The following WDR35 variants were observed in gnomAD, a reference collection of about 807,000 sequenced individuals.
WDR35 encodes WD repeat-containing protein 35.
WDR35 carries 118 observed loss-of-function variants against 158.3 expected under a neutral mutation model. The observed-to-expected ratio is 0.75, with a 90% CI of 0.64 to 0.87. The LOEUF is 0.87. WDR35 is among the 40% of genes least tolerant of loss of function. The probability of loss-of-function intolerance (pLI) is 0.00; values close to 1 mark genes in which losing one functional copy is unlikely to be tolerated. For synonymous variants in WDR35, 448 were observed against 476.1 expected, an observed-to-expected ratio of 0.94 and a Z score of 0.77; for missense variants, 1,263 against 1,405.8, an observed-to-expected ratio of 0.90 and a Z score of 1.62.
intron 13 of WDR35, among the ~76,000 whole-genome samples, chr2:19,951,037 CTA>C (rs1671218226): frequency 1.3e-5 from 2 of 152,172 alleles, no homozygotes; most frequent in Admixed American, 1.3e-4. Flanking sequence ...AAACAGTTAA[CTA>C]TATTATCTGC....
chr2:19,931,727 A>G (rs537634992), intron 23 of WDR35, among the ~76,000 whole-genome samples: 1 of 152,288 alleles, frequency 6.6e-6, no homozygotes, highest in East Asian at 1.9e-4. Context: ...TCCATAATAC[A>G]GAGATTTTTA....
At chr2:19,973,837 A>G (rs1312421030) in intron 7 of WDR35, 129 bp from the exon 8 acceptor site, 2 of 1,302,694 alleles carry the variant, frequency 1.5e-6, no homozygotes, top group African/African-American at 1.5e-5. Context: ...GCTGGGTACA[A>G]CGGCTCACGC....
At chr2:19,973,539 G>GA (rs752651902) in intron 8 of WDR35, 24 bp downstream of exon 8, 8 of 1,613,980 alleles carry the variant, frequency 5.0e-6, no homozygotes, top group East Asian at 2.2e-5. Context: ...TAGAAAGAAA[G>GA]AAGATCAATT....
rs1230198823 is a variant in WDR35, at chr2:19,950,849, A to G, written c.1470+566T>C. Among the ~76,000 whole-genome samples the G allele has an allele frequency of 2.0e-5, 3 of 152,104 alleles. No homozygotes were observed. In the East Asian group the frequency reaches 5.8e-4, roughly 29 times the overall value. The stretch of plus-strand genomic sequence containing the variant: ...CTTCTCTAACAGTTTTCTAACCTGT[A>G]AGAGAGGAGATGACATGCTGATTGA... On this transcript the variant is annotated intron_variant, in intron 13 of 26. Transcript: ENST00000281405.
At chr2:19,944,668 A>G (rs1234856622) in intron 16 of WDR35, among the ~76,000 whole-genome samples, 1 of 152,112 alleles carries the variant, frequency 6.6e-6, no homozygotes, top group African/African-American at 2.4e-5. Flanking sequence ...CCTTTGAACT[A>G]TTTCTCAGGG....
chr2:19,923,612 G>A (rs541488642), intron 25 of WDR35, among the ~76,000 whole-genome samples: 16 of 152,264 alleles, frequency 1.1e-4, no homozygotes, highest in Admixed American at 1.0e-3. Flanking sequence ...TGACCCTCCA[G>A]ATCTTTCTTT....
chr2:19,979,164 T>C (rs767892187), intron 4 of WDR35, among the ~76,000 whole-genome samples: 1 of 152,196 alleles, frequency 6.6e-6, no homozygotes, highest in Non-Finnish European at 1.5e-5. Context: ...TTTCTGTCAA[T>C]TAAAAATTAA....
At chr2:19,939,108 A>G (rs1670791909) in intron 17 of WDR35, among the ~76,000 whole-genome samples, 1 of 152,220 alleles carries the variant, frequency 6.6e-6, no homozygotes, top group African/African-American at 2.4e-5. Context: ...ATCGGAAATT[A>G]TGAGCCTTTC....
rs895716509 is a variant in WDR35 at position 19,914,883 on chromosome 2, T to C, written c.3122-606A>G. On this transcript the variant is annotated intron_variant, in intron 25 of 26. Transcript: ENST00000281405. ...AGTTACAACATCTTATTTGCAATTA[T>C]ACTGGAGATGAAAAAATCTTTCTTT... Among the ~76,000 whole-genome samples the C allele has an allele frequency of 2.0e-5, 3 of 151,458 alleles. No individual in the cohort carries two copies. In the Admixed American group the frequency reaches 2.0e-4, roughly 10 times the overall value.
intron 11 of WDR35, among the ~76,000 whole-genome samples, chr2:19,956,898 C>T (rs1025419020): frequency 2.6e-4 from 40 of 152,280 alleles, no homozygotes; most frequent in Middle Eastern, 6.8e-3. Flanking sequence ...GGATTACAGG[C>T]GTGAGCCACC....
In WDR35 at chr2:19,966,116, G is replaced by A. The variant is rs955884541; in HGVS notation, c.1194+608C>T. On this transcript the variant is annotated intron_variant, in intron 10 of 26. Coordinates refer to ENST00000281405, the MANE Select transcript of WDR35 (RefSeq NM_020779.4). Reference sequence around the variant, plus strand: ...ACACCAGCAAACATGGCTGTTCAAAGAGTCACCTTTAACAAAAAACTCTAT... The same window carrying A: ...ACACCAGCAAACATGGCTGTTCAAAAAGTCACCTTTAACAAAAAACTCTAT... Among the ~76,000 whole-genome samples the A allele has an allele frequency of 4.6e-5, 7 of 152,248 alleles. 1 individual carries two copies. Among genetic ancestry groups the A allele is most frequent in the Admixed American group, 4.6e-4 (7 of 15,282 alleles).
In WDR35 at chr2:19,938,259, A is replaced by T. The variant is rs1201555649; in HGVS notation, c.2063+6T>A. On this transcript the variant is annotated splice_donor_region_variant and intron_variant, in intron 18 of 26. Transcript: ENST00000281405. ...CATCCTGGGAGAGTTTGCTTTTTTTAAATACCAAAGTCGGGGGTGTGGATT... is the reference window on the plus strand; with the variant it reads ...CATCCTGGGAGAGTTTGCTTTTTTTTAATACCAAAGTCGGGGGTGTGGATT... The T allele has an allele frequency of 8.7e-6, 14 of 1,613,910 alleles. No individual in the cohort carries two copies. The highest frequency in any genetic ancestry group is 1.1e-5 in the Non-Finnish European group (13 of 1,179,990).
intron 25 of WDR35, among the ~76,000 whole-genome samples, chr2:19,924,081 C>T (rs1005721521): frequency 3.9e-5 from 6 of 152,116 alleles, no homozygotes; most frequent in African/African-American, 1.4e-4. Context: ...TGGGGGTTGG[C>T]GGCTGGGCTG....
At position 19,946,541 on chromosome 2, in the gene WDR35, G is replaced by C; in HGVS notation, c.1554C>G (p.Tyr518Ter). 1 of 1,613,588 alleles carries C rather than the reference G, an allele frequency of 6.2e-7. No homozygotes were observed. Among genetic ancestry groups the C allele is most frequent in the Non-Finnish European group, 8.5e-7 (1 of 1,179,682 alleles). ...VGRESGTIQRYSLPNVGLIQK... is the reference protein window; with the variant it reads ...VGRESGTIQR ...GAATCAAACCAACATTAGGTAGACT[G>C]TATCTCTGAATGGTGCCAGATTCAC... Residue 518 changes from tyrosine (Y) to a stop codon, truncating the protein, a stop_gained, in exon 15 of 27, where the codon TAC becomes TAG. Coordinates refer to ENST00000281405, the MANE Select transcript of WDR35 (RefSeq NM_020779.4). LOFTEE classifies it high-confidence loss of function.
In WDR35 at chr2:19,939,779, A is replaced by G. The variant is rs1558333999; in HGVS notation, c.1927-1378T>C. ...TTCTGCCATTTGTTTAAAAGCAGTA[A>G]AGTATTCATTTTTAAAAATCAATTT... On this transcript the variant is annotated intron_variant, in intron 17 of 26. Coordinates refer to ENST00000281405, the MANE Select transcript of WDR35 (RefSeq NM_020779.4). Among the ~76,000 whole-genome samples the G allele has an allele frequency of 2.0e-5, 3 of 152,166 alleles. No individual in the cohort carries two copies. The South Asian group carries it at 6.2e-4, about 32-fold the overall frequency.
chr2:19,981,122 G>A (rs1672368982), intron 3 of WDR35, among the ~76,000 whole-genome samples: 1 of 152,060 alleles, frequency 6.6e-6, no homozygotes, highest in Non-Finnish European at 1.5e-5. Context: ...ATGTTCAAAG[G>A]ACACCATAAC....
chr2:19,972,790 T>C (rs965412689), intron 8 of WDR35, among the ~76,000 whole-genome samples: 1 of 152,002 alleles, frequency 6.6e-6, no homozygotes, highest in Non-Finnish European at 1.5e-5. Flanking sequence ...CTGTAGTCTA[T>C]GGCGAATTTA....
At chr2:19,944,036 T>C (rs1340444606) in intron 16 of WDR35, among the ~76,000 whole-genome samples, 1 of 151,930 alleles carries the variant, frequency 6.6e-6, no homozygotes, top group Non-Finnish European at 1.5e-5. Flanking sequence ...CTATTAAATA[T>C]AATAGTATGT....
chr2:19,989,957 G>T (rs1167956027), intron 1 of WDR35, 35 bp downstream of exon 1: 2 of 1,612,788 alleles, frequency 1.2e-6, no homozygotes, highest in Admixed American at 1.7e-5. Flanking sequence ...CTGCGGGAAT[G>T]GCGGAGAAAC....
Sources: gnomAD v4.1 joint callset for allele counts (sites outside exome capture counted in the v4.1 genomes callset) on GRCh38, gnomAD v4.1.1 for gene constraint, MANE v1.5 for transcripts, NCBI Gene and HGNC (gene_info 2026-07-23, HGNC 2026-07-21) for gene names.